IL1F10: variants seen among roughly 807,000 people sequenced by gnomAD.
IL1F10 encodes the protein interleukin-1 family member 10.
In IL1F10, 13 loss-of-function variants were observed where a neutral mutation model predicts 13.1. That is an observed-to-expected ratio of 0.99 (90% CI 0.64 to 1.57). The LOEUF is 1.57. IL1F10 is among the 40% of genes most tolerant of loss of function. IL1F10 has a pLI of 0.00. For synonymous variants in IL1F10, 78 were observed against 68.2 expected (o/e 1.14, Z -0.71); for missense variants, 191 against 184.1 (o/e 1.04, Z -0.22).
At chr2:113,069,004 A>G (rs1685789758) in intron 1 of IL1F10, among the ~76,000 whole-genome samples, 1 of 152,100 alleles carries the variant, frequency 6.6e-6, no homozygotes, top group African/African-American at 2.4e-5. Context: ...GTAACTCTAC[A>G]CTGGTAATTA....
intron 2 of IL1F10, among the ~76,000 whole-genome samples, chr2:113,073,378 T>C (rs1206232487): frequency 6.6e-6 from 1 of 152,210 alleles, no homozygotes; most frequent in Non-Finnish European, 1.5e-5. Context: ...CCATGGACCC[T>C]GTAATGTCCA....
In IL1F10 at chr2:113,072,718, C is replaced by A. The variant is rs1339638730; in HGVS notation, c.-21C>A. 8 of 1,609,966 alleles carry A rather than the reference C, an allele frequency of 5.0e-6. No individual in the cohort carries two copies. The highest frequency in any genetic ancestry group is 6.8e-6 in the Non-Finnish European group (8 of 1,176,922). Reference sequence around the variant, plus strand: ...TTCTCTCCTCCCCATCAGTGAGGACCAGACACCACTGATTGCAGGAATGTG... The same window carrying A: ...TTCTCTCCTCCCCATCAGTGAGGACAAGACACCACTGATTGCAGGAATGTG... On this transcript the variant is annotated 5_prime_UTR_variant, in exon 2 of 5. Transcript: ENST00000341010.
chr2:113,074,351 G>C lies in IL1F10; in HGVS notation c.55G>C (p.Ala19Pro). 1 of 1,613,086 alleles carries C rather than the reference G, an allele frequency of 6.2e-7. No individual in the cohort carries two copies. The highest frequency in any genetic ancestry group is 8.5e-7 in the Non-Finnish European group (1 of 1,179,062). ...YYIIKYADQKALYTRDGQLLV... is the reference protein window; with the variant it reads ...YYIIKYADQKPLYTRDGQLLV... ...CAGAATTAAATATGCAGACCAGAAG[G>C]CTCTATACACAAGAGATGGCCAGCT... Residue 19 changes from alanine (A) to proline (P), a missense_variant, in exon 3 of 5, where the codon GCT (alanine) becomes CCT (proline). Ala to Pro is a conservative substitution (Grantham distance 27). Coordinates refer to ENST00000341010, the MANE Select transcript of IL1F10 (RefSeq NM_173161.3).
intron 1 of IL1F10, among the ~76,000 whole-genome samples, chr2:113,068,562 T>C (rs1364828292): frequency 6.6e-6 from 1 of 152,140 alleles, no homozygotes; most frequent in Admixed American, 6.5e-5. Context: ...TGTTGATAAG[T>C]TGAAGGCCCA....
intron 1 of IL1F10, among the ~76,000 whole-genome samples, chr2:113,072,085 C>T (rs576471141): frequency 6.6e-6 from 1 of 152,310 alleles, no homozygotes; most frequent in African/African-American, 2.4e-5. Context: ...TTCACTGTGC[C>T]ATTTTCCATC....
At position 113,072,703 on chromosome 2, in the gene IL1F10, C is replaced by G; in HGVS notation, c.-28-8C>G. 4 of 1,593,572 alleles carry G rather than the reference C, an allele frequency of 2.5e-6. No individual in the cohort carries two copies. The highest frequency in any genetic ancestry group is 3.4e-6 in the Non-Finnish European group (4 of 1,162,800). ...CTTTTCTAACTGCCCTTCTCTCCTC[C>G]CCATCAGTGAGGACCAGACACCACT... On this transcript the variant is annotated splice_polypyrimidine_tract_variant and splice_region_variant and intron_variant, in intron 1 of 4. Coordinates refer to ENST00000341010, the MANE Select transcript of IL1F10 (RefSeq NM_173161.3).
chr2:113,073,218 T>C (rs919902751), intron 2 of IL1F10, among the ~76,000 whole-genome samples: 9 of 152,238 alleles, frequency 5.9e-5, no homozygotes, highest in Non-Finnish European at 2.9e-5. Context: ...CTTCTAACAC[T>C]TACTTACATT....
rs990964816 is a variant in IL1F10, at chr2:113,072,634, G to A, written c.-28-77G>A. 1.9e-5 allele frequency: 18 copies of A among 957,712 alleles called. No individual in the cohort carries two copies. The South Asian group carries it at 2.4e-4, about 13-fold the overall frequency. 59.3% of individuals were successfully genotyped at this position (957,712 alleles called of 1,614,324 possible). ...GAACCCGTGCAGCCCTTGGCTGAGTGGTTCTAAGCCCCAGCACGTCTGCCT... is the reference window on the plus strand; with the variant it reads ...GAACCCGTGCAGCCCTTGGCTGAGTAGTTCTAAGCCCCAGCACGTCTGCCT... On this transcript the variant is annotated intron_variant, in intron 1 of 4. Coordinates refer to ENST00000341010, the MANE Select transcript of IL1F10 (RefSeq NM_173161.3).
At chr2:113,070,494 A>C (rs1573245743) in intron 1 of IL1F10, among the ~76,000 whole-genome samples, 1 of 152,014 alleles carries the variant, frequency 6.6e-6, no homozygotes. Context: ...ATCCACCTTC[A>C]CCCAGGGCCC....
At chr2:113,068,325 G>C (rs1045301059) in intron 1 of IL1F10, among the ~76,000 whole-genome samples, 2 of 144,940 alleles carry the variant, frequency 1.4e-5, no homozygotes, top group Admixed American at 1.4e-4. Context: ...GGAAGCTTAA[G>C]AGATTTTTTG....
intron 1 of IL1F10, among the ~76,000 whole-genome samples, chr2:113,070,350 GAC>G (rs1244792069): frequency 6.6e-6 from 1 of 152,202 alleles, no homozygotes; most frequent in African/African-American, 2.4e-5. Context: ...CTTTGGGAAA[GAC>G]ACTGTACATT....
rs3811052 is a variant in IL1F10 at position 113,072,652 on chromosome 2, G to A, written c.-28-59G>A. On this transcript the variant is annotated intron_variant, in intron 1 of 4. Coordinates refer to ENST00000341010, the MANE Select transcript of IL1F10 (RefSeq NM_173161.3). ...GCTGAGTGGTTCTAAGCCCCAGCACGTCTGCCTCTGGCTTCACCCAGCCTC... is the reference window on the plus strand; with the variant it reads ...GCTGAGTGGTTCTAAGCCCCAGCACATCTGCCTCTGGCTTCACCCAGCCTC... 512 of 1,205,080 alleles carry A rather than the reference G, an allele frequency of 4.2e-4. 3 individuals carry two copies. In the East Asian group the frequency reaches 0.011, roughly 25 times the overall value. The allele number at this position is 1,205,080 out of a possible 1,614,324, so 74.6% of individuals were successfully genotyped here.
chr2:113,074,593 G>T (rs377394428), intron 3 of IL1F10, 130 bp from the exon 4 acceptor site: 6 of 1,242,970 alleles, frequency 4.8e-6, no homozygotes, highest in Non-Finnish European at 5.9e-6. Context: ...CTGGCTCACC[G>T]TCCAGTCTGC....
chr2:113,074,787 C>T lies in IL1F10; in HGVS notation c.183C>T (p.Ile61=), dbSNP rs34320972. The change falls in exon 4 of 5, where the codon ATC becomes ATT. Residue 61 remains isoleucine (I), a synonymous_variant. Transcript: ENST00000341010. ...ARTKVPIFLG[I]QGGSRCLACV... ...CCAAGGTCCCCATTTTCCTGGGGATCCAGGGAGGGAGCCGCTGCCTGGCAT... is the reference window on the plus strand; with the variant it reads ...CCAAGGTCCCCATTTTCCTGGGGATTCAGGGAGGGAGCCGCTGCCTGGCAT... 716 of 1,613,882 alleles carry T rather than the reference C, an allele frequency of 4.4e-4. 1 individual carries two copies. The highest frequency in any genetic ancestry group is 1.4e-3 in the Middle Eastern group (8 of 5,874).
At chr2:113,074,950 C>A in intron 4 of IL1F10, 100 bp downstream of exon 4, 1 of 1,440,648 alleles carries the variant, frequency 6.9e-7, no homozygotes, top group African/African-American at 1.4e-5. Flanking sequence ...CCAGCCAGGT[C>A]CACATGTCCT....
intron 1 of IL1F10, among the ~76,000 whole-genome samples, chr2:113,069,413 G>T (rs1053191700): frequency 2.6e-5 from 4 of 152,184 alleles, no homozygotes; most frequent in Non-Finnish European, 4.4e-5. Flanking sequence ...AAAACACAAA[G>T]TTATATTTTA....
intron 2 of IL1F10, 76 bp downstream of exon 2, chr2:113,072,846 AG>A: frequency 2.3e-6 from 3 of 1,284,596 alleles, no homozygotes; most frequent in East Asian, 4.7e-5. Flanking sequence ...GCTGAGTCAG[AG>A]GATGAGGCTC....
rs1473484616 is a variant in IL1F10 at position 113,075,493 on chromosome 2, A to T, written c.*129A>T. On this transcript the variant is annotated 3_prime_UTR_variant, in exon 5 of 5. Coordinates refer to ENST00000341010, the MANE Select transcript of IL1F10 (RefSeq NM_173161.3). Reference sequence around the variant, plus strand: ...TAATCCCAAGATCTGTGCATATGTTACCATACATGTCCAAAGAGGTTTTGC... The same window carrying T: ...TAATCCCAAGATCTGTGCATATGTTTCCATACATGTCCAAAGAGGTTTTGC... 3.3e-6 allele frequency: 2 copies of T among 603,766 alleles called. No homozygotes were observed. The highest frequency in any genetic ancestry group is 1.9e-5 in the African/African-American group (1 of 53,248). 37.4% of individuals were successfully genotyped at this position (603,766 alleles called of 1,614,324 possible). A position where few individuals can be genotyped will look rare whatever the true frequency, so the allele number is the denominator to read the frequency against.
chr2:113,070,626 T>C (rs910869414), intron 1 of IL1F10, among the ~76,000 whole-genome samples: 1 of 152,180 alleles, frequency 6.6e-6, no homozygotes, highest in African/African-American at 2.4e-5. Flanking sequence ...TGGGCTTGCA[T>C]TGAGGCCATG....
Sources: allele counts gnomAD v4.1 joint callset (sites outside exome capture counted in the v4.1 genomes callset), GRCh38; gene constraint gnomAD v4.1.1; transcripts MANE v1.5; gene names NCBI Gene and HGNC (gene_info 2026-07-23, HGNC 2026-07-21).